FAM114A2: variants seen among roughly 807,000 people sequenced by gnomAD.
The protein encoded by FAM114A2 is family with sequence similarity 114 member A2.
A neutral mutation model predicts 58.4 loss-of-function variants in FAM114A2; 53 were observed. The observed-to-expected ratio is 0.91, with a 90% CI of 0.73 to 1.14. The LOEUF (loss-of-function observed/expected upper bound fraction) is 1.14, where lower values mean the gene tolerates loss of function less well. Ranked by LOEUF, FAM114A2 falls within the 50% of genes most tolerant of loss-of-function variation. The pLI is 0.00. For synonymous variants in FAM114A2, 228 were observed against 211.4 expected (o/e 1.08, Z -0.68); for missense variants, 601 against 581.1 (o/e 1.03, Z -0.35).
At chr5:154,013,598 C>T (rs1300463220) in intron 8 of FAM114A2, among the ~76,000 whole-genome samples, 1 of 152,142 alleles carries the variant, frequency 6.6e-6, no homozygotes, top group East Asian at 1.9e-4. Context: ...TAGAAAACTA[C>T]TTGGAGTTCT....
chr5:153,997,707 A>T, intron 12 of FAM114A2, 96 bp downstream of exon 12: 1 of 752,792 alleles, frequency 1.3e-6, no homozygotes, highest in Non-Finnish European at 2.3e-6. Context: ...ACTAAAAACT[A>T]TTGAATTGTA....
In FAM114A2 at chr5:154,027,307, CTTCT is replaced by C; in HGVS notation, c.654_657del (p.Glu219ArgfsTer31). On this transcript the variant is annotated frameshift_variant, in exon 7 of 14. Coordinates refer to ENST00000351797, the MANE Select transcript of FAM114A2 (RefSeq NM_018691.4). LOFTEE classifies it high-confidence loss of function. The stretch of plus-strand genomic sequence containing the variant: ...GTAACCTCATTGGAGGTCCGTATCT[CTTCT>C]TTCTCCTTCGCCTCTCGTAAAACCT... 6.2e-7 allele frequency: 1 copy of C among 1,611,976 alleles called. No individual in the cohort carries two copies. The highest frequency in any genetic ancestry group is 2.2e-5 in the East Asian group (1 of 44,850).
At chr5:154,023,102 C>T (rs1217058588) in intron 8 of FAM114A2, among the ~76,000 whole-genome samples, 1 of 151,908 alleles carries the variant, frequency 6.6e-6, no homozygotes, top group East Asian at 1.9e-4. Flanking sequence ...CACTTGGACA[C>T]AGGGCGGGGA....
chr5:154,017,896 C>T (rs912511017), intron 8 of FAM114A2, among the ~76,000 whole-genome samples: 1 of 152,068 alleles, frequency 6.6e-6, no homozygotes, highest in African/African-American at 2.4e-5. Flanking sequence ...GCGATACAAC[C>T]TATCAAAACC....
At chr5:154,012,389 A>AG (rs1770755980) in intron 8 of FAM114A2, among the ~76,000 whole-genome samples, 1 of 152,174 alleles carries the variant, frequency 6.6e-6, no homozygotes, top group Non-Finnish European at 1.5e-5. Flanking sequence ...TCTGAATCCT[A>AG]TACACTCCCC....
Position 154,027,219 on chromosome 5 carries a change from TGTGAA to T in FAM114A2, c.741_745del (p.His249ArgfsTer11), listed in dbSNP as rs1405226356. On this transcript the variant is annotated frameshift_variant, in exon 7 of 14. Coordinates refer to ENST00000351797, the MANE Select transcript of FAM114A2 (RefSeq NM_018691.4). LOFTEE classifies it high-confidence loss of function. ...GGAAAGCATCTCCAGAGCTTCTAGA[TGTGAA>T]AGGCCTTGAAATTCATCAAAGAGTA... 5.0e-6 allele frequency: 8 copies of T among 1,613,562 alleles called. No individual in the cohort carries two copies. The Admixed American group carries it at 6.7e-5, about 13-fold the overall frequency.
At chr5:154,036,028 G>T (rs1772535257) in intron 1 of FAM114A2, among the ~76,000 whole-genome samples, 1 of 151,954 alleles carries the variant, frequency 6.6e-6, no homozygotes, top group Admixed American at 6.6e-5. Flanking sequence ...ATTTTCTAAT[G>T]AGATTTTTTT....
At position 154,033,900 on chromosome 5, in the gene FAM114A2, C is replaced by CA; in HGVS notation, c.311-18_311-17insT. 7.1e-7 allele frequency: 1 copy of CA among 1,406,366 alleles called. No homozygotes were observed. Among genetic ancestry groups the CA allele is most frequent in the South Asian group, 1.3e-5 (1 of 76,530 alleles). 87.1% of individuals were successfully genotyped at this position (1,406,366 alleles called of 1,614,324 possible). ...TGCCTTGTCCTAATGAGAAAAATAA[C>CA]TTTTTTTTTTGCTATTTGTCACCAA... On this transcript the variant is annotated splice_polypyrimidine_tract_variant and intron_variant, in intron 3 of 13. Coordinates refer to ENST00000351797, the MANE Select transcript of FAM114A2 (RefSeq NM_018691.4).
intron 12 of FAM114A2, among the ~76,000 whole-genome samples, chr5:153,996,704 T>C (rs1399375431): frequency 6.6e-6 from 1 of 151,994 alleles, no homozygotes; most frequent in African/African-American, 2.4e-5. Flanking sequence ...TTAAAAGATG[T>C]TCAACATTGG....
At chr5:154,014,506 GAGATC>G (rs1770896726) in intron 8 of FAM114A2, among the ~76,000 whole-genome samples, 1 of 152,180 alleles carries the variant, frequency 6.6e-6, no homozygotes, top group Admixed American at 6.5e-5. Context: ...AGTGGAAAGG[GAGATC>G]ATCTACCCCA....
intron 9 of FAM114A2, 118 bp from the exon 10 acceptor site, chr5:154,003,087 A>C: frequency 6.2e-6 from 5 of 805,552 alleles, no homozygotes; most frequent in Non-Finnish European, 1.0e-5. Context: ...ACCTGAACGT[A>C]CCATCTAGCT....
intron 8 of FAM114A2, among the ~76,000 whole-genome samples, chr5:154,021,080 T>C (rs1011090718): frequency 1.1e-4 from 16 of 152,144 alleles, no homozygotes; most frequent in African/African-American, 3.1e-4. Context: ...GAAAAGGCCT[T>C]TGACAAAATT....
rs767864959 is a variant in FAM114A2 at position 154,002,244 on chromosome 5, C to T, written c.1256+7G>A. The T allele has an allele frequency of 1.7e-5, 27 of 1,612,826 alleles. No individual in the cohort carries two copies. Among genetic ancestry groups the T allele is most frequent in the Non-Finnish European group, 2.1e-5 (25 of 1,179,010 alleles). On this transcript the variant is annotated splice_region_variant and intron_variant, in intron 11 of 13. Transcript: ENST00000351797. ...GCATCATTTAGAGGAATTCTCATTA[C>T]ACTTACTGGGAAAGAGTTTGGCTCC...
intron 8 of FAM114A2, 187 bp downstream of exon 8, chr5:154,026,212 G>T: frequency 2.8e-6 from 1 of 359,480 alleles, no homozygotes; most frequent in Admixed American, 5.0e-5. Flanking sequence ...AAGGCCAACT[G>T]CCCCCATCAA....
At chr5:154,008,456 T>C (rs1303954251) in intron 9 of FAM114A2, among the ~76,000 whole-genome samples, 1 of 152,206 alleles carries the variant, frequency 6.6e-6, no homozygotes, top group African/African-American at 2.4e-5. Context: ...TTTGAAATTT[T>C]TTGAGTGCCA....
chr5:154,022,304 G>C (rs911180502), intron 8 of FAM114A2, among the ~76,000 whole-genome samples: 1 of 152,176 alleles, frequency 6.6e-6, no homozygotes, highest in Admixed American at 6.5e-5. Flanking sequence ...TTAAACTAAA[G>C]AGCTTCTGCA....
Position 154,034,819 on chromosome 5 carries a change from A to G in FAM114A2, c.135T>C (p.Pro45=), listed in dbSNP as rs772342769. The change falls in exon 2 of 14, where the codon CCT becomes CCC. Residue 45 remains proline, a synonymous_variant. Coordinates refer to ENST00000351797, the MANE Select transcript of FAM114A2 (RefSeq NM_018691.4). ...QGAKPESKSE[P]VVSTRKRPET... Reference sequence around the variant, plus strand: ...CTGGTCTTTTCCGAGTGGAAACTACAGGTTCTGATTTACTCTCTGGTTTGG... The same window carrying G: ...CTGGTCTTTTCCGAGTGGAAACTACGGGTTCTGATTTACTCTCTGGTTTGG... 10 of 1,613,912 alleles carry G rather than the reference A, an allele frequency of 6.2e-6. No homozygotes were observed. The African/African-American group carries it at 1.2e-4, about 19-fold the overall frequency.
rs2578377 is a variant in FAM114A2, at chr5:154,033,830, C to T, written c.364G>A (p.Gly122Ser). Residue 122 changes from glycine to serine, a missense_variant, in exon 4 of 14, where the codon GGT becomes AGT. Gly to Ser is a moderately conservative substitution (Grantham distance 56, BLOSUM62 0). Coordinates refer to ENST00000351797, the MANE Select transcript of FAM114A2 (RefSeq NM_018691.4). ...EKAETSLGIP[G>S]PSEISTEVKY... is the part of the protein sequence containing the mutation. ...ACTTCAGTTGAAATTTCACTGGGAC[C>T]AGGGATTCCAAGGGAAGTCTCTGCC... 1,039,180 of 1,603,094 alleles carry T rather than the reference C, an allele frequency of 0.65. 340,287 individuals carry two copies. The highest frequency in any genetic ancestry group is 0.87 in the East Asian group (39,136 of 44,788).
At chr5:153,999,289 A>G (rs1292049371) in intron 11 of FAM114A2, among the ~76,000 whole-genome samples, 1 of 152,206 alleles carries the variant, frequency 6.6e-6, no homozygotes, top group Non-Finnish European at 1.5e-5. Context: ...ATGGAAATCA[A>G]GACCACAGTG....
Sources: gnomAD v4.1 joint callset for allele counts (sites outside exome capture counted in the v4.1 genomes callset) on GRCh38, gnomAD v4.1.1 for gene constraint, MANE v1.5 for transcripts, NCBI Gene and HGNC (gene_info 2026-07-23, HGNC 2026-07-21) for gene names.